Variants in PTPRD observed in about 807,000 individuals in gnomAD.
PTPRD encodes the protein protein tyrosine phosphatase receptor type D.
A neutral mutation model predicts 214.5 loss-of-function variants in PTPRD; 34 were observed. The ratio of observed to expected loss-of-function variants is 0.16; its 90% confidence interval spans 0.12 to 0.21. The LOEUF (loss-of-function observed/expected upper bound fraction) is 0.21, where lower values mean the gene tolerates loss of function less well. Among genes scored for constraint, PTPRD ranks in the 10% least tolerant of loss-of-function variants. The pLI is 1.00. For missense variants in PTPRD, 2,545 were observed against 2,398.7 expected (o/e 1.06, Z -1.27); for synonymous variants, 1,128 against 845.7 (o/e 1.33, Z -5.79).
At chr9:8,690,264 G>C (rs2097775357) in intron 12 of PTPRD, among the ~76,000 whole-genome samples, 1 of 151,928 alleles carries the variant, frequency 6.6e-6, no homozygotes, top group Non-Finnish European at 1.5e-5. Flanking sequence ...GCGGAGGCTT[G>C]TGTCTGCAGT....
intron 5 of PTPRD, among the ~76,000 whole-genome samples, chr9:9,836,072 T>G (rs776055958): frequency 4.0e-5 from 6 of 151,638 alleles, no homozygotes; most frequent in Non-Finnish European, 8.8e-5. Context: ...CTGGAAGAGA[T>G]GATGGCCTAA....
rs144935050 is a variant in PTPRD, at chr9:10,261,042, T to C, written c.-545+79921A>G. Among the ~76,000 whole-genome samples, 502 of 139,612 alleles carry C rather than the reference T, an allele frequency of 3.6e-3. 3 individuals carry two copies. The highest frequency in any genetic ancestry group is 0.013 in the African/African-American group (485 of 37,184). 91.6% of individuals were successfully genotyped at this position (139,612 alleles called of 152,430 possible). A position where few individuals can be genotyped will look rare whatever the true frequency, so the allele number is the denominator to read the frequency against. On this transcript the variant is annotated intron_variant, in intron 3 of 45. Coordinates refer to ENST00000381196, the MANE Select transcript of PTPRD (RefSeq NM_002839.4). ...TGTGTATATATATTATATATGTGTA[T>C]ATATATTATATATGTGTATATATAT...
intron 12 of PTPRD, among the ~76,000 whole-genome samples, chr9:8,702,941 G>C (rs73427527): frequency 4.3e-4 from 65 of 152,310 alleles, no homozygotes; most frequent in African/African-American, 1.5e-3. Flanking sequence ...CTAAAAACAA[G>C]AGGAAGGAGG....
chr9:8,360,949 C>T lies in PTPRD; in HGVS notation c.4661+14987G>A, dbSNP rs188627434. Among the ~76,000 whole-genome samples, 423 of 152,246 alleles carry T rather than the reference C, an allele frequency of 2.8e-3. 5 individuals carry two copies. Among genetic ancestry groups the T allele is most frequent in the Non-Finnish European group, 3.9e-3 (267 of 68,014 alleles). On this transcript the variant is annotated intron_variant, in intron 39 of 45. Transcript: ENST00000381196. ...TCACCCCCCTGCATCAATTAATAAT[C>T]CATGATTCAATGTGCACATATATTG...
intron 7 of PTPRD, among the ~76,000 whole-genome samples, chr9:9,703,353 A>G (rs1033152673): frequency 2.0e-5 from 3 of 152,150 alleles, no homozygotes; most frequent in Admixed American, 6.5e-5. Context: ...ATGGACTAAT[A>G]CAATTATCAA....
At chr9:9,046,472 C>A (rs1027806692) in intron 10 of PTPRD, among the ~76,000 whole-genome samples, 1 of 151,632 alleles carries the variant, frequency 6.6e-6, no homozygotes, top group Non-Finnish European at 1.5e-5. Flanking sequence ...CAGGATATAT[C>A]TGGAAAGACA....
At chr9:8,977,569 C>A (rs2099274936) in intron 11 of PTPRD, among the ~76,000 whole-genome samples, 1 of 151,920 alleles carries the variant, frequency 6.6e-6, no homozygotes, top group Non-Finnish European at 1.5e-5. Context: ...TCATCTTGAA[C>A]CCTCGAGGTT....
intron 30 of PTPRD, 139 bp downstream of exon 30, chr9:8,483,980 G>C (rs2096944706): frequency 1.8e-6 from 2 of 1,111,662 alleles, no homozygotes; most frequent in East Asian, 4.9e-5. Flanking sequence ...AACTCGGATA[G>C]CAAAACTGGG....
intron 14 of PTPRD, among the ~76,000 whole-genome samples, chr9:8,549,581 A>G (rs2081382288): frequency 6.6e-6 from 1 of 152,222 alleles, no homozygotes; most frequent in South Asian, 2.1e-4. Context: ...ATTATTTTGC[A>G]TTGTAGATTT....
At chr9:10,057,448 A>T (rs1270009494) in intron 3 of PTPRD, among the ~76,000 whole-genome samples, 1 of 152,136 alleles carries the variant, frequency 6.6e-6, no homozygotes, top group African/African-American at 2.4e-5. Context: ...GTTGAAGTAA[A>T]CTTCCAAACA....
chr9:9,051,520 C>G (rs1188307807), intron 10 of PTPRD, among the ~76,000 whole-genome samples: 1 of 152,128 alleles, frequency 6.6e-6, no homozygotes, highest in Non-Finnish European at 1.5e-5. Flanking sequence ...AATTTAGGAG[C>G]ATTCTTTCTT....
At chr9:9,221,488 C>T (rs1483625902) in intron 9 of PTPRD, among the ~76,000 whole-genome samples, 1 of 152,032 alleles carries the variant, frequency 6.6e-6, no homozygotes, top group African/African-American at 2.4e-5. Context: ...TGTCTGGAGG[C>T]TGGGAAGCCT....
chr9:10,212,487 A>G (rs2154342555), intron 3 of PTPRD, among the ~76,000 whole-genome samples: 1 of 152,222 alleles, frequency 6.6e-6, no homozygotes, highest in Non-Finnish European at 1.5e-5. Context: ...TGCATTATTC[A>G]TTTTCATAGT....
At chr9:9,908,491 G>A (rs538506727) in intron 5 of PTPRD, among the ~76,000 whole-genome samples, 2 of 152,122 alleles carry the variant, frequency 1.3e-5, no homozygotes, top group African/African-American at 4.8e-5. Context: ...TACTTGTTGA[G>A]CATCCTTTCT....
At chr9:8,624,376 A>G (rs1436735480) in intron 14 of PTPRD, among the ~76,000 whole-genome samples, 1 of 151,826 alleles carries the variant, frequency 6.6e-6, no homozygotes, top group East Asian at 1.9e-4. Flanking sequence ...TGGATTAAGG[A>G]CTATTTGAGA....
At chr9:10,024,242 T>C (rs2096878198) in intron 4 of PTPRD, among the ~76,000 whole-genome samples, 1 of 152,178 alleles carries the variant, frequency 6.6e-6, no homozygotes, top group South Asian at 2.1e-4. Flanking sequence ...TTTAATTTAT[T>C]CTAAAGTAAG....
At chr9:9,180,150 A>G (rs1332120691) in intron 10 of PTPRD, among the ~76,000 whole-genome samples, 2 of 151,612 alleles carry the variant, frequency 1.3e-5, no homozygotes, top group Non-Finnish European at 2.9e-5. Context: ...ATGCACACGT[A>G]TGTTTATTGC....
chr9:10,510,218 G>C (rs868435945), intron 2 of PTPRD, among the ~76,000 whole-genome samples: 7 of 152,120 alleles, frequency 4.6e-5, no homozygotes, highest in Middle Eastern at 3.4e-3. Flanking sequence ...ATACCACTCA[G>C]TATGGGTCTA....
chr9:10,209,645 GA>G (rs1039286152), intron 3 of PTPRD, among the ~76,000 whole-genome samples: 12 of 150,434 alleles, frequency 8.0e-5, no homozygotes, highest in Admixed American at 7.3e-4. Flanking sequence ...ATTTTCTTTG[GA>G]TTTTATTGTG....
Sources: gnomAD v4.1 joint callset for allele counts (sites outside exome capture counted in the v4.1 genomes callset) on GRCh38, gnomAD v4.1.1 for gene constraint, MANE v1.5 for transcripts, NCBI Gene and HGNC (gene_info 2026-07-23, HGNC 2026-07-21) for gene names.